PARP4: variants seen among roughly 807,000 people sequenced by gnomAD.
PARP4 encodes poly(ADP-ribose) polymerase family member 4.
A neutral mutation model predicts 187.7 loss-of-function variants in PARP4; 120 were observed. That is an observed-to-expected ratio of 0.64 (90% CI 0.55 to 0.74). The LOEUF (loss-of-function observed/expected upper bound fraction) is 0.74. PARP4 is among the 30% of genes least tolerant of loss of function. The pLI is 0.00. For synonymous variants in PARP4, 654 were observed against 740.9 expected (o/e 0.88, Z 1.90); for missense variants, 1,836 against 2,070.5 (o/e 0.89, Z 2.20).
At chr13:24,457,636 T>G (rs551809267) in intron 20 of PARP4, among the ~76,000 whole-genome samples, 1 of 151,958 alleles carries the variant, frequency 6.6e-6, no homozygotes, top group South Asian at 2.1e-4. Flanking sequence ...CTGGGCGTGG[T>G]GGCAGGCACC....
chr13:24,471,158 G>A (rs1302435520), intron 15 of PARP4, among the ~76,000 whole-genome samples: 2 of 152,316 alleles, frequency 1.3e-5, no homozygotes, highest in East Asian at 1.9e-4. Context: ...GACTGTGCAC[G>A]GAACTCCTTC....
chr13:24,501,822 T>G lies in PARP4; in HGVS notation c.145A>C (p.Ile49Leu). Residue 49 changes from isoleucine to leucine, a missense_variant, in exon 3 of 34, where the codon ATC (isoleucine) becomes CTC (leucine). Physicochemically the swap from Ile to Leu is conservative, Grantham distance 5 (BLOSUM62 2). Coordinates refer to ENST00000381989, the MANE Select transcript of PARP4 (RefSeq NM_006437.4). ...FSLNPQCTHI[I>L]LDNADVLSQY... ...CTCAGAACATCAGCATTATCTAAGA[T>G]TATATGTGTGCACTAAGGAAAAAAA... is the stretch of plus-strand genomic sequence containing the variant. 1 of 1,606,114 alleles carries G rather than the reference T, an allele frequency of 6.2e-7. No homozygotes were observed. Among genetic ancestry groups the G allele is most frequent in the Non-Finnish European group, 8.5e-7 (1 of 1,172,968 alleles).
At chr13:24,474,638 T>TC (rs1409516537) in intron 15 of PARP4, among the ~76,000 whole-genome samples, 1 of 151,604 alleles carries the variant, frequency 6.6e-6, no homozygotes, top group Non-Finnish European at 1.5e-5. Flanking sequence ...CAGGTGCGGC[T>TC]CCCGCAGGCA....
At chr13:24,426,965 C>A (rs1354926407) in intron 32 of PARP4, among the ~76,000 whole-genome samples, 2 of 149,732 alleles carry the variant, frequency 1.3e-5, no homozygotes, top group Non-Finnish European at 3.0e-5. Context: ...TCGTGAAACT[C>A]TAATACTCTT....
At chr13:24,469,139 T>C in intron 16 of PARP4, 29 bp from the exon 17 acceptor site, 1 of 1,433,620 alleles carries the variant, frequency 7.0e-7, no homozygotes, top group Non-Finnish European at 9.8e-7. Context: ...AAATCATTCC[T>C]TACATGAAGA....
chr13:24,457,545 G>A (rs2137478878), intron 20 of PARP4, among the ~76,000 whole-genome samples: 1 of 152,276 alleles, frequency 6.6e-6, no homozygotes, highest in Middle Eastern at 3.4e-3. Flanking sequence ...GCCAAGGCAG[G>A]CAGATCACCT....
intron 12 of PARP4, among the ~76,000 whole-genome samples, chr13:24,480,867 A>G (rs977867038): frequency 2.6e-5 from 4 of 152,288 alleles, no homozygotes; most frequent in African/African-American, 9.6e-5. Context: ...GTTCTCCAGA[A>G]GATCTAGCTA....
At position 24,506,091 on chromosome 13, in the gene PARP4, G is replaced by C. The variant is rs181978160; in HGVS notation, c.-1-2314C>G. Reference sequence around the variant, plus strand: ...TCTCACTGACTTCAAAAACGAAGCTGCCTGGACCCTCGTGGTGAGTGCTAC... The same window carrying C: ...TCTCACTGACTTCAAAAACGAAGCTCCCTGGACCCTCGTGGTGAGTGCTAC... On this transcript the variant is annotated intron_variant, in intron 1 of 33. Transcript: ENST00000381989. 1.4e-3 allele frequency among the ~76,000 whole-genome samples: 206 copies of C among 152,338 alleles called. 2 individuals carry two copies. The highest frequency in any genetic ancestry group is 0.011 in the Admixed American group (166 of 15,302).
intron 17 of PARP4, among the ~76,000 whole-genome samples, chr13:24,462,159 T>G (rs1056873906): frequency 6.6e-6 from 1 of 152,128 alleles, no homozygotes. Flanking sequence ...AGGAGCCTAG[T>G]ACAGCACATC....
intron 15 of PARP4, among the ~76,000 whole-genome samples, chr13:24,473,871 T>A (rs982929222): frequency 3.8e-4 from 58 of 152,094 alleles, no homozygotes; most frequent in Admixed American, 3.6e-3. Flanking sequence ...AGCCGCTCCC[T>A]CCTGGTCTCT....
intron 24 of PARP4, among the ~76,000 whole-genome samples, chr13:24,451,718 G>C (rs1871528935): frequency 6.6e-6 from 1 of 152,318 alleles, no homozygotes; most frequent in African/African-American, 2.4e-5. Context: ...GGCAGGATGG[G>C]CAAGTCCTAT....
chr13:24,496,613 C>G (rs1290496199), intron 6 of PARP4, among the ~76,000 whole-genome samples: 1 of 152,148 alleles, frequency 6.6e-6, no homozygotes, highest in Non-Finnish European at 1.5e-5. Context: ...TGACGTGAGT[C>G]TCTTTCTCTT....
At chr13:24,454,989 C>G in intron 22 of PARP4, 28 bp downstream of exon 22, 6 of 1,530,456 alleles carry the variant, frequency 3.9e-6, no homozygotes, top group Non-Finnish European at 5.3e-6. Context: ...GGGAAGCACA[C>G]GCAGGACCAG....
intron 17 of PARP4, among the ~76,000 whole-genome samples, chr13:24,460,965 C>G (rs1216202783): frequency 6.6e-6 from 1 of 152,150 alleles, no homozygotes; most frequent in African/African-American, 2.4e-5. Flanking sequence ...CCACACCCAG[C>G]CTATCATGTT....
chr13:24,446,895 C>T (rs1871237158), intron 26 of PARP4, 121 bp downstream of exon 26: 1 of 1,414,004 alleles, frequency 7.1e-7, no homozygotes, highest in Admixed American at 2.2e-5. Context: ...CCTGGCTAAC[C>T]ACCAGCTGTG....
rs917639581 is a variant in PARP4 at position 24,501,920 on chromosome 13, A to G, written c.133-86T>C. 6 of 836,902 alleles carry G rather than the reference A, an allele frequency of 7.2e-6. No individual in the cohort carries two copies. The African/African-American group carries it at 8.6e-5, about 12-fold the overall frequency. The allele number at this position is 836,902 out of a possible 1,614,324, so 51.8% of individuals were successfully genotyped here. A position where few individuals can be genotyped will look rare whatever the true frequency, so the allele number is the denominator to read the frequency against. On this transcript the variant is annotated intron_variant, in intron 2 of 33. Coordinates refer to ENST00000381989, the MANE Select transcript of PARP4 (RefSeq NM_006437.4). ...TTGTATCTGTAATTTTCACCCTTAG[A>G]AAGTATTAAGGTAGTTTGTGATAAT...
intron 14 of PARP4, among the ~76,000 whole-genome samples, chr13:24,476,481 T>A (rs1566009759): frequency 6.6e-6 from 1 of 152,260 alleles, no homozygotes; most frequent in East Asian, 1.9e-4. Flanking sequence ...TGGGATGGCA[T>A]CAAACAACGT....
intron 14 of PARP4, 41 bp from the exon 15 acceptor site, chr13:24,475,637 CCTGT>C (rs1233217406): frequency 1.3e-6 from 2 of 1,596,358 alleles, no homozygotes; most frequent in East Asian, 2.2e-5. Flanking sequence ...CAAAACCATC[CCTGT>C]CTATTTTTGT....
At chr13:24,474,568 C>T (rs377079070) in intron 15 of PARP4, among the ~76,000 whole-genome samples, 9,487 of 104,494 alleles carry the variant, frequency 0.091, no homozygotes, top group African/African-American at 0.17. Flanking sequence ...GAGCTTCCCC[C>T]AAGATCATCT....
Sources: gnomAD v4.1 joint callset for allele counts (sites outside exome capture counted in the v4.1 genomes callset) on GRCh38, gnomAD v4.1.1 for gene constraint, MANE v1.5 for transcripts, NCBI Gene and HGNC (gene_info 2026-07-23, HGNC 2026-07-21) for gene names.